Variants in RBFOX3 observed in about 807,000 individuals in gnomAD.
RBFOX3 encodes RNA binding fox-1 homolog 3.
In RBFOX3, 17 loss-of-function variants were observed where a neutral mutation model predicts 48.7. That is an observed-to-expected ratio of 0.35 (90% CI 0.24 to 0.52). The LOEUF (loss-of-function observed/expected upper bound fraction) is 0.52, where lower values mean the gene tolerates loss of function less well. Ranked by LOEUF, RBFOX3 falls within the 20% of genes least tolerant of loss-of-function variation. The pLI, the probability that RBFOX3 is intolerant of heterozygous loss-of-function variation, is 0.94. For synonymous variants in RBFOX3, 212 were observed against 209.5 expected (o/e 1.01, Z -0.10); for missense variants, 382 against 497.5 (o/e 0.77, Z 2.21).
At chr17:79,461,873 C>T (rs2075413676) in intron 2 of RBFOX3, among the ~76,000 whole-genome samples, 1 of 152,208 alleles carries the variant, frequency 6.6e-6, no homozygotes, top group Non-Finnish European at 1.5e-5. Flanking sequence ...TGAGGAACGC[C>T]ATGGGTGGCC....
At chr17:79,105,154 C>T (rs1325424102) in intron 6 of RBFOX3, among the ~76,000 whole-genome samples, 2 of 152,176 alleles carry the variant, frequency 1.3e-5, no homozygotes, top group East Asian at 1.9e-4. Flanking sequence ...GTCCTGGAGG[C>T]GGGGGGTGCA....
chr17:79,265,427 T>C (rs775822183), intron 3 of RBFOX3, among the ~76,000 whole-genome samples: 19 of 152,290 alleles, frequency 1.2e-4, no homozygotes, highest in Non-Finnish European at 1.5e-5. Flanking sequence ...CTTTCCCTAA[T>C]AGTCTCTCAT....
rs111847011 is a variant in RBFOX3 at position 79,319,027 on chromosome 17, T to TA, written c.-174-11204dup. 2.2e-3 allele frequency among the ~76,000 whole-genome samples: 316 copies of TA among 145,370 alleles called. 2 individuals carry two copies. Among genetic ancestry groups the TA allele is most frequent in the African/African-American group, 7.2e-3 (287 of 39,726 alleles). ...ACCCAAAAACTTAAAGTACAATAATTAAAAAAAAAAAGAAATTTGACTGTG... is the reference window on the plus strand; with the variant it reads ...ACCCAAAAACTTAAAGTACAATAATTAAAAAAAAAAAAGAAATTTGACTGTG... On this transcript the variant is annotated intron_variant, in intron 2 of 14. Coordinates refer to ENST00000693108, the MANE Select transcript of RBFOX3 (RefSeq NM_001350451.2).
intron 4 of RBFOX3, among the ~76,000 whole-genome samples, chr17:79,126,207 T>C (rs2037222477): frequency 6.6e-6 from 1 of 152,244 alleles, no homozygotes; most frequent in African/African-American, 2.4e-5. Flanking sequence ...TGTGAAAGTC[T>C]GGTGTGAGGA....
chr17:79,494,300 G>T (rs1456100948), intron 1 of RBFOX3, among the ~76,000 whole-genome samples: 2 of 152,304 alleles, frequency 1.3e-5, no homozygotes, highest in East Asian at 3.9e-4. Context: ...GGCAGGAGAA[G>T]ATGCAGTGTA....
intron 2 of RBFOX3, among the ~76,000 whole-genome samples, chr17:79,402,691 G>A (rs2062970650): frequency 6.6e-6 from 1 of 152,234 alleles, no homozygotes; most frequent in African/African-American, 2.4e-5. Flanking sequence ...GAAACAGGAG[G>A]CTGGACGATG....
At chr17:79,156,839 G>A (rs1001552759) in intron 4 of RBFOX3, among the ~76,000 whole-genome samples, 2 of 152,200 alleles carry the variant, frequency 1.3e-5, no homozygotes, top group African/African-American at 4.8e-5. Context: ...GGCTTCTGCT[G>A]ATGGGAACTG....
intron 2 of RBFOX3, among the ~76,000 whole-genome samples, chr17:79,431,569 C>G (rs1392564867): frequency 1.3e-5 from 2 of 151,178 alleles, no homozygotes; most frequent in Non-Finnish European, 2.9e-5. Context: ...ACTGCAACCT[C>G]TGCCTCCTGG....
At chr17:79,344,697 G>C (rs892369291) in intron 2 of RBFOX3, among the ~76,000 whole-genome samples, 3 of 152,098 alleles carry the variant, frequency 2.0e-5, no homozygotes, top group African/African-American at 7.2e-5. Flanking sequence ...TGGGATTACA[G>C]GTGCATGCCA....
chr17:79,444,956 A>G (rs2149066423), intron 2 of RBFOX3, among the ~76,000 whole-genome samples: 1 of 152,224 alleles, frequency 6.6e-6, no homozygotes, highest in African/African-American at 2.4e-5. Flanking sequence ...ACCACAGGCA[A>G]CCACAGATTT....
intron 1 of RBFOX3, among the ~76,000 whole-genome samples, chr17:79,512,267 A>C (rs2084416388): frequency 7.5e-6 from 1 of 132,582 alleles, no homozygotes. Flanking sequence ...CAGGGGATAT[A>C]CACCCGGATA....
intron 2 of RBFOX3, among the ~76,000 whole-genome samples, chr17:79,472,036 G>A (rs1555757338): frequency 6.6e-6 from 1 of 152,222 alleles, no homozygotes; most frequent in African/African-American, 2.4e-5. Flanking sequence ...CATGACCAAA[G>A]AGGCAGCTCC....
chr17:79,373,096 G>C (rs2058773389), intron 2 of RBFOX3, among the ~76,000 whole-genome samples: 2 of 152,180 alleles, frequency 1.3e-5, no homozygotes. Flanking sequence ...GGCCTCCAAA[G>C]CTTGCAGAGA....
intron 2 of RBFOX3, among the ~76,000 whole-genome samples, chr17:79,454,089 A>T (rs2149179800): frequency 6.6e-6 from 1 of 152,134 alleles, no homozygotes; most frequent in East Asian, 1.9e-4. Context: ...GCGCCAGGGG[A>T]GGCAATGCCG....
chr17:79,323,782 G>A (rs1337445723), intron 2 of RBFOX3, among the ~76,000 whole-genome samples: 1 of 152,274 alleles, frequency 6.6e-6, no homozygotes, highest in African/African-American at 2.4e-5. Context: ...CCGGTGGTGT[G>A]TGGAGCAATG....
rs982270232 is a variant in RBFOX3 at position 79,212,308 on chromosome 17, T to C, written c.-34+23458A>G. 6.6e-6 allele frequency among the ~76,000 whole-genome samples: 1 copy of C among 151,706 alleles called. No homozygotes were observed. Among genetic ancestry groups the C allele is most frequent in the Non-Finnish European group, 1.5e-5 (1 of 67,814 alleles). ...TGCTCCGCCTGGGCTCCTACGTGAC[T>C]CCTTTCTCCTCCTCCCCTCCCCATT... On this transcript the variant is annotated intron_variant, in intron 4 of 14. Transcript: ENST00000693108. This position sits in a 1 kb window ranked among gnomAD's most constrained non-coding sequence, Gnocchi z 4.7.
At chr17:79,327,493 T>C (rs1284731684) in intron 2 of RBFOX3, among the ~76,000 whole-genome samples, 1 of 152,186 alleles carries the variant, frequency 6.6e-6, no homozygotes, top group Non-Finnish European at 1.5e-5. Context: ...GGATGAATGC[T>C]CCAGAGCCAG....
chr17:79,450,108 G>A (rs782440298), intron 2 of RBFOX3, among the ~76,000 whole-genome samples: 3 of 152,146 alleles, frequency 2.0e-5, no homozygotes, highest in Admixed American at 1.3e-4. Flanking sequence ...ACATGCACAC[G>A]CATGATGAAA....
intron 1 of RBFOX3, among the ~76,000 whole-genome samples, chr17:79,588,793 T>C (rs2093332612): frequency 6.7e-6 from 1 of 148,466 alleles, no homozygotes; most frequent in Non-Finnish European, 1.5e-5. Context: ...CTGGGCCATA[T>C]AGTGAGACCC....
Sources: allele counts gnomAD v4.1 joint callset (sites outside exome capture counted in the v4.1 genomes callset), GRCh38; gene constraint gnomAD v4.1.1; non-coding constraint Gnocchi (gnomAD v3.1); transcripts MANE v1.5; gene names NCBI Gene and HGNC (gene_info 2026-07-23, HGNC 2026-07-21).